Variants in INTS8 observed in about 807,000 individuals in gnomAD.
The protein encoded by INTS8 is integrator complex subunit 8.
A neutral mutation model predicts 138.9 loss-of-function variants in INTS8; 47 were observed. The ratio of observed to expected loss-of-function variants is 0.34; its 90% confidence interval spans 0.27 to 0.43. INTS8 has a LOEUF of 0.43. INTS8 is among the 20% of genes least tolerant of loss of function. The pLI is 1.00. For missense variants in INTS8, 996 were observed against 1,173.0 expected (o/e 0.85, Z 2.20); for synonymous variants, 392 against 400.9 (o/e 0.98, Z 0.27).
In INTS8 at chr8:94,876,261, G is replaced by A. The variant is rs1467382519; in HGVS notation, c.2803G>A (p.Val935Ile). The A allele has an allele frequency of 6.2e-7, 1 of 1,612,098 alleles. No homozygotes were observed. The highest frequency in any genetic ancestry group is 8.5e-7 in the Non-Finnish European group (1 of 1,178,710). Residue 935 changes from valine (V) to isoleucine (I), a missense_variant, in exon 25 of 27, where the codon GTT (valine) becomes ATT (isoleucine). Transcript: ENST00000523731. ...CTCCTACTACGACTACATATGGGAT[G>A]TTACCATTTTGGAATACTTGACTTG... ...MDSYYDYIWDVTILEYLTYLH... is the reference protein window; with the variant it reads ...MDSYYDYIWDITILEYLTYLH...
chr8:94,854,207 GAAAAAAAAAA>G (rs770693182), intron 14 of INTS8, among the ~76,000 whole-genome samples: 1 of 110,880 alleles, frequency 9.0e-6, no homozygotes, highest in Non-Finnish European at 1.9e-5. Context: ...GTCCATCTCG[GAAAAAAAAAA>G]AAAAAAAGAA....
At chr8:94,836,177 A>G (rs1422293649) in intron 6 of INTS8, among the ~76,000 whole-genome samples, 1 of 152,162 alleles carries the variant, frequency 6.6e-6, no homozygotes, top group African/African-American at 2.4e-5. Context: ...GCTATGGGTG[A>G]CAGGAGCTGT....
intron 16 of INTS8, among the ~76,000 whole-genome samples, chr8:94,863,246 A>G (rs962538754): frequency 6.6e-6 from 1 of 152,160 alleles, no homozygotes; most frequent in Admixed American, 6.5e-5. Context: ...TAAGGTGTGC[A>G]TGCTTCTCCT....
intron 4 of INTS8, 118 bp from the exon 5 acceptor site, chr8:94,828,857 A>G: frequency 1.5e-6 from 1 of 674,136 alleles, no homozygotes; most frequent in Admixed American, 2.8e-5. Context: ...GAAAATGAAT[A>G]ACATTAAAAA....
chr8:94,844,845 T>C lies in INTS8; in HGVS notation c.1260+2357T>C, dbSNP rs150692662. On this transcript the variant is annotated intron_variant, in intron 10 of 26. Coordinates refer to ENST00000523731, the MANE Select transcript of INTS8 (RefSeq NM_017864.4). ...TCAGTTCACTGTAACCTCCACCTCCTGGGTTCAAGCCATCCTCCCACCTCA... is the reference window on the plus strand; with the variant it reads ...TCAGTTCACTGTAACCTCCACCTCCCGGGTTCAAGCCATCCTCCCACCTCA... Among the ~76,000 whole-genome samples the C allele has an allele frequency of 3.2e-3, 486 of 150,944 alleles. 1 individual carries two copies. Among genetic ancestry groups the C allele is most frequent in the Non-Finnish European group, 4.7e-3 (321 of 67,710 alleles).
At chr8:94,849,376 AGTT>A in intron 10 of INTS8, 83 bp from the exon 11 acceptor site, 2 of 769,388 alleles carry the variant, frequency 2.6e-6, no homozygotes, top group Non-Finnish European at 4.5e-6. Flanking sequence ...AGGAAAATTC[AGTT>A]GTTTTTAAAT....
At chr8:94,869,407 A>G (rs565679177) in intron 20 of INTS8, among the ~76,000 whole-genome samples, 2 of 151,658 alleles carry the variant, frequency 1.3e-5, no homozygotes, top group Non-Finnish European at 2.9e-5. Context: ...GCTTACTGCA[A>G]CCTCCACCTT....
In INTS8 at chr8:94,876,154, A is replaced by C. The variant is rs1816556514; in HGVS notation, c.2762+7A>C. On this transcript the variant is annotated splice_region_variant and intron_variant, in intron 24 of 26. Transcript: ENST00000523731. ...CTCTGCAAGAACAAAACAGGTATGA[A>C]TAATATTTTAAAAATAATGAGGTCA... 1 of 1,607,536 alleles carries C rather than the reference A, an allele frequency of 6.2e-7. No homozygotes were observed. The highest frequency in any genetic ancestry group is 2.2e-5 in the East Asian group (1 of 44,736).
intron 13 of INTS8, 96 bp downstream of exon 13, chr8:94,851,782 C>A: frequency 1.0e-6 from 1 of 975,426 alleles, no homozygotes; most frequent in Non-Finnish European, 1.5e-6. Context: ...ATAATAAGGA[C>A]CTCTTACTTA....
intron 26 of INTS8, chr8:94,876,717 A>T: frequency 2.3e-6 from 1 of 428,370 alleles, no homozygotes; most frequent in Non-Finnish European, 4.1e-6. Context: ...AAACTTTCCA[A>T]TGGCTTCTCA....
intron 13 of INTS8, 135 bp from the exon 14 acceptor site, chr8:94,853,670 T>G (rs1425047729): frequency 1.5e-5 from 8 of 545,540 alleles, no homozygotes; most frequent in African/African-American, 1.9e-5. Context: ...ATTATGGCTG[T>G]CATTTTCCTT....
chr8:94,881,069 T>G lies in INTS8; in HGVS notation c.*835T>G, dbSNP rs963023475. ...GTTTAAAAAACATTAAATTTCACCA[T>G]TTGTAGAAATTCAAGTTTTATAATA... is the stretch of plus-strand genomic sequence containing the variant. On this transcript the variant is annotated 3_prime_UTR_variant, in exon 27 of 27. Transcript: ENST00000523731. 1.3e-5 allele frequency: 5 copies of G among 397,864 alleles called. No homozygotes were observed. Among genetic ancestry groups the G allele is most frequent in the Non-Finnish European group, 2.2e-5 (5 of 225,494 alleles). The allele number at this position is 397,864 out of a possible 1,614,324, so 24.6% of individuals were successfully genotyped here. A position where few individuals can be genotyped will look rare whatever the true frequency, so the allele number is the denominator to read the frequency against.
chr8:94,863,434 C>A (rs1161908373), intron 16 of INTS8, among the ~76,000 whole-genome samples: 1 of 152,238 alleles, frequency 6.6e-6, no homozygotes, highest in Non-Finnish European at 1.5e-5. Context: ...ATATTCTTTT[C>A]TCTGTAAATG....
intron 13 of INTS8, among the ~76,000 whole-genome samples, chr8:94,852,585 T>C (rs1815585738): frequency 6.6e-6 from 1 of 151,840 alleles, no homozygotes; most frequent in Admixed American, 6.6e-5. Flanking sequence ...GCCAGAAATG[T>C]ATGGTTTGTT....
At chr8:94,831,487 T>TC (rs1266711829) in intron 5 of INTS8, among the ~76,000 whole-genome samples, 117 of 146,142 alleles carry the variant, frequency 8.0e-4, no homozygotes, top group African/African-American at 2.8e-3. Flanking sequence ...TTTTTCTTTT[T>TC]TTTTTTTTTT....
chr8:94,853,649 G>T, intron 13 of INTS8, 156 bp from the exon 14 acceptor site: 1 of 482,294 alleles, frequency 2.1e-6, no homozygotes, highest in Non-Finnish European at 3.7e-6. Context: ...GTTCATTTTC[G>T]TTAGTGTTAT....
chr8:94,872,052 G>T (rs1312935773), intron 21 of INTS8, 50 bp downstream of exon 21: 2 of 843,924 alleles, frequency 2.4e-6, no homozygotes, highest in Non-Finnish European at 4.0e-6. Context: ...AGCACTTTTT[G>T]AAGTGAAAGT....
At chr8:94,867,230 A>G (rs967177675) in intron 19 of INTS8, 34 bp downstream of exon 19, 3 of 1,600,016 alleles carry the variant, frequency 1.9e-6, no homozygotes, top group Admixed American at 1.7e-5. Flanking sequence ...AGAAAAATTT[A>G]AAAGAAATTT....
chr8:94,834,169 G>A (rs1814834813), intron 6 of INTS8, among the ~76,000 whole-genome samples: 1 of 152,144 alleles, frequency 6.6e-6, no homozygotes, highest in Non-Finnish European at 1.5e-5. Flanking sequence ...ATGCCCTTCA[G>A]GGCAGCTTCA....
Sources: allele counts gnomAD v4.1 joint callset (sites outside exome capture counted in the v4.1 genomes callset), GRCh38; gene constraint gnomAD v4.1.1; transcripts MANE v1.5; gene names NCBI Gene and HGNC (gene_info 2026-07-23, HGNC 2026-07-21).